The following RIIAD1 variants were observed in gnomAD, a reference collection of about 807,000 sequenced individuals.
RIIAD1 encodes the protein RIIa domain-containing protein 1.
In RIIAD1, 15 loss-of-function variants were observed where a neutral mutation model predicts 13.3. The observed-to-expected ratio is 1.13, with a 90% CI of 0.76 to 1.74. The LOEUF is 1.74. RIIAD1 is among the 40% of genes most tolerant of loss of function. The pLI, the probability that RIIAD1 is intolerant of heterozygous loss-of-function variation, is 0.00. For synonymous variants in RIIAD1, 50 were observed against 43.3 expected (o/e 1.16, Z -0.61); for missense variants, 121 against 112.2 (o/e 1.08, Z -0.35).
intron 3 of RIIAD1, 63 bp downstream of exon 3, chr1:151,727,684 GT>G: frequency 1.7e-6 from 2 of 1,151,190 alleles, no homozygotes; most frequent in Non-Finnish European, 2.5e-6. Context: ...ATGATTGTGA[GT>G]TTAGACTTGA....
chr1:151,725,107 C>CG (rs746192307), intron 2 of RIIAD1, among the ~76,000 whole-genome samples: 1 of 84,678 alleles, frequency 1.2e-5, no homozygotes, highest in African/African-American at 5.1e-5. Flanking sequence ...CGCACCTCGC[C>CG]TTTTTTTTTT....
At position 151,721,568 on chromosome 1, in the gene RIIAD1, C is replaced by A; in HGVS notation, c.32C>A (p.Pro11His). The A allele has an allele frequency of 7.5e-7, 1 of 1,326,032 alleles. No individual in the cohort carries two copies. The highest frequency in any genetic ancestry group is 9.7e-7 in the Non-Finnish European group (1 of 1,035,700). 82.1% of individuals were successfully genotyped at this position (1,326,032 alleles called of 1,614,324 possible). ...ACGCTGCCAGGCTTGCTGCAGCGGCCCGACCCCGGGGCGCTTAGCGCAGCG... is the reference window on the plus strand; with the variant it reads ...ACGCTGCCAGGCTTGCTGCAGCGGCACGACCCCGGGGCGCTTAGCGCAGCG... METLPGLLQR[P>H]DPGALSAAQL... Residue 11 changes from proline to histidine, a missense_variant, in exon 1 of 5, where the codon CCC becomes CAC. By Grantham distance (77) the Pro-to-His change is moderately conservative. Coordinates refer to ENST00000479191, the MANE Select transcript of RIIAD1 (RefSeq NM_001144956.3).
chr1:151,717,133 TG>T (rs1673546168), upstream of RIIAD1, among the ~76,000 whole-genome samples: 1 of 151,566 alleles, frequency 6.6e-6, no homozygotes, highest in African/African-American at 2.4e-5. Context: ...ACTCAGCAGA[TG>T]GGGGGTGGCG....
In RIIAD1 at chr1:151,722,231, T is replaced by C. The variant is rs771611418; in HGVS notation, c.161+69T>C. On this transcript the variant is annotated intron_variant, in intron 2 of 4. Transcript: ENST00000479191. ...TTCTTCGTTATCTCTAGAGGTTTCC[T>C]TCAGTTATCTCTAAATTCTTAAAAA... is the stretch of plus-strand genomic sequence containing the variant. The C allele has an allele frequency of 3.7e-4, 337 of 907,172 alleles. 1 individual carries two copies. The highest frequency in any genetic ancestry group is 5.6e-4 in the Non-Finnish European group (318 of 565,876). The allele number at this position is 907,172 out of a possible 1,614,324, so 56.2% of individuals were successfully genotyped here. A position where few individuals can be genotyped will look rare whatever the true frequency, so the allele number is the denominator to read the frequency against.
Position 151,714,517 on chromosome 1 carries a change from T to C in RIIAD1, c.9T>C (p.Ser3=), listed in dbSNP as rs1417415690. The change falls in exon 4 of 9, where the codon AGT becomes AGC. Residue 3 remains serine, a synonymous_variant. Transcript: ENST00000326413. ...GAGAGGAGGTGGAAATTATGCTCAG[T>C]GTCAGGAGGGTGGTGAGCCTCCTGC... 4.0e-6 allele frequency: 4 copies of C among 1,010,502 alleles called. No individual in the cohort carries two copies. In the Admixed American group the frequency reaches 6.0e-5, roughly 15 times the overall value. The allele number at this position is 1,010,502 out of a possible 1,614,324, so 62.6% of individuals were successfully genotyped here. A position where few individuals can be genotyped will look rare whatever the true frequency, so the allele number is the denominator to read the frequency against.
At chr1:151,717,873 G>C (rs561016607), upstream of RIIAD1, among the ~76,000 whole-genome samples, 1 of 152,290 alleles carries the variant, frequency 6.6e-6, no homozygotes, top group Admixed American at 6.5e-5. Context: ...ACGATCTGGA[G>C]GGAGCGTGAC....
intron 4 of RIIAD1, chr1:151,716,102 G>C: frequency 7.0e-7 from 1 of 1,433,898 alleles, no homozygotes; most frequent in Non-Finnish European, 9.3e-7. Context: ...GGAGATAAGT[G>C]GTGGGGCCCG....
At chr1:151,716,212 G>C in intron 4 of RIIAD1, 1 of 572,952 alleles carries the variant, frequency 1.7e-6, no homozygotes, top group South Asian at 2.4e-5. Context: ...TTGAGTGCTA[G>C]GGGTCAGGGG....
Position 151,728,869 on chromosome 1 carries a change from A to T in RIIAD1, c.*33A>T. 7.8e-7 allele frequency: 1 copy of T among 1,277,930 alleles called. No homozygotes were observed. Among genetic ancestry groups the T allele is most frequent in the Non-Finnish European group, 1.1e-6 (1 of 897,738 alleles). The allele number at this position is 1,277,930 out of a possible 1,614,324, so 79.2% of individuals were successfully genotyped here. On this transcript the variant is annotated 3_prime_UTR_variant, in exon 4 of 5. Transcript: ENST00000479191. Reference sequence around the variant, plus strand: ...AATCATGATGCTCAGCTGTTGGGAGAGACCAGACGGAATCCAGCCTCGGGG... The same window carrying T: ...AATCATGATGCTCAGCTGTTGGGAGTGACCAGACGGAATCCAGCCTCGGGG...
At chr1:151,718,997 G>A (rs1258377468), upstream of RIIAD1, among the ~76,000 whole-genome samples, 4 of 151,990 alleles carry the variant, frequency 2.6e-5, no homozygotes, top group Non-Finnish European at 5.9e-5. Context: ...TTCAGGCTTG[G>A]GGCTAATCAT....
chr1:151,721,448 T>C, upstream of RIIAD1: 3 of 759,696 alleles, frequency 3.9e-6, no homozygotes, highest in Non-Finnish European at 3.7e-6. Flanking sequence ...AGCCCCTGCT[T>C]CGCTGAAGGG....
intron 2 of RIIAD1, 70 bp from the exon 3 acceptor site, chr1:151,727,505 C>T (rs537191455): frequency 9.7e-7 from 1 of 1,031,400 alleles, no homozygotes; most frequent in South Asian, 1.4e-5. Context: ...AAGTACAGGA[C>T]CTGAAACAGT....
At chr1:151,722,626 A>G (rs1673758775) in intron 2 of RIIAD1, among the ~76,000 whole-genome samples, 1 of 152,258 alleles carries the variant, frequency 6.6e-6, no homozygotes, top group African/African-American at 2.4e-5. Context: ...AATTAAAAAA[A>G]TAAATCACGG....
chr1:151,712,202 C>T (rs1673081275), intron 2 of RIIAD1, among the ~76,000 whole-genome samples: 1 of 152,178 alleles, frequency 6.6e-6, no homozygotes, highest in Non-Finnish European at 1.5e-5. Context: ...TAGTTACTAC[C>T]CACCAGGTGA....
intron 2 of RIIAD1, among the ~76,000 whole-genome samples, chr1:151,722,708 A>G (rs920315466): frequency 6.6e-6 from 1 of 152,218 alleles, no homozygotes; most frequent in African/African-American, 2.4e-5. Context: ...CAAGGTTTAA[A>G]TAATTATAAT....
chr1:151,714,684 G>A (rs1188148381), intron 4 of RIIAD1: 1 of 1,552,152 alleles, frequency 6.4e-7, no homozygotes, highest in Non-Finnish European at 8.7e-7. Context: ...ATCCTGAGGA[G>A]GGGCAGGGGC....
chr1:151,716,702 C>G (rs1571943260), upstream of RIIAD1: 1 of 444,952 alleles, frequency 2.2e-6, no homozygotes, highest in East Asian at 7.8e-5. Context: ...GTCCCCGGGC[C>G]TGGGCTGCTG....
upstream of RIIAD1, among the ~76,000 whole-genome samples, chr1:151,718,791 C>T (rs1351045331): frequency 6.6e-6 from 1 of 152,184 alleles, no homozygotes; most frequent in Non-Finnish European, 1.5e-5. Flanking sequence ...AAGAAGGGCA[C>T]ACACATCTTG....
At chr1:151,716,729 C>T (rs975819766), upstream of RIIAD1, 9 of 461,804 alleles carry the variant, frequency 1.9e-5, no homozygotes, top group Non-Finnish European at 3.6e-5. Context: ...GCTCCCGCCG[C>T]TGGGGCTGCC....
Sources: allele counts gnomAD v4.1 joint callset (sites outside exome capture counted in the v4.1 genomes callset), GRCh38; gene constraint gnomAD v4.1.1; transcripts MANE v1.5; gene names NCBI Gene and HGNC (gene_info 2026-07-23, HGNC 2026-07-21).